The following CRLF1 variants were observed in gnomAD, a reference collection of about 807,000 sequenced individuals.
CRLF1 encodes the protein cytokine receptor like factor 1, also known as cytokine receptor-like factor 1.
In CRLF1, 36 loss-of-function variants were observed where a neutral mutation model predicts 48.9. The observed-to-expected ratio is 0.74, with a 90% CI of 0.56 to 0.97. CRLF1 has a LOEUF of 0.97. CRLF1 is among the 50% of genes least tolerant of loss of function. CRLF1 has a pLI of 0.00. For missense variants in CRLF1, 534 were observed against 575.1 expected, an observed-to-expected ratio of 0.93 and a Z score of 0.73; for synonymous variants, 256 against 253.4, an observed-to-expected ratio of 1.01 and a Z score of -0.10.
chr19:18,594,032 T>TGGGA, intron 8 of CRLF1, 33 bp downstream of exon 8: 2 of 695,810 alleles, frequency 2.9e-6, no homozygotes, highest in Non-Finnish European at 4.4e-6. Context: ...CTCCCCTTGC[T>TGGGA]CCCTCCCGCC....
At position 18,596,907 on chromosome 19, in the gene CRLF1, G is replaced by C; in HGVS notation, c.840C>G (p.Asp280Glu). 6.2e-7 allele frequency: 1 copy of C among 1,614,110 alleles called. No homozygotes were observed. The highest frequency in any genetic ancestry group is 1.1e-5 in the South Asian group (1 of 91,086). The change falls in exon 5 of 9, where the codon GAC (aspartate) becomes GAG (glutamate). Residue 280 changes from aspartate (D) to glutamate (E), a missense_variant. Around this residue, in one of 2 missense-constraint regions of CRLF1, gnomAD observed 528 missense variants for 555.7 expected, o/e 0.95. Coordinates refer to ENST00000392386, the MANE Select transcript of CRLF1 (RefSeq NM_004750.5). ...AKYQIRYRVE[D>E]SVDWKVVDDV... ...GGAGGGTCACCTTCCAGTCCACACT[G>C]TCCTCCACTCGGTAGCGGATCTGGT...
chr19:18,606,435 T>A lies in CRLF1; in HGVS notation c.115+107A>T, dbSNP rs1976297106. On this transcript the variant is annotated intron_variant, in intron 1 of 8. Coordinates refer to ENST00000392386, the MANE Select transcript of CRLF1 (RefSeq NM_004750.5). The surrounding 1 kb of genome is among the most constrained non-coding windows in gnomAD (Gnocchi z 4.8). ...CTGCGCCGGGGGCGCCTTCCTTTGT[T>A]CCCCGGCCGTCCAGGTGGCGCCCGC... The A allele has an allele frequency of 1.1e-6, 1 of 880,754 alleles. No homozygotes were observed. Among genetic ancestry groups the A allele is most frequent in the Middle Eastern group, 5.6e-4 (1 of 1,792 alleles). The allele number at this position is 880,754 out of a possible 1,614,324, so 54.6% of individuals were successfully genotyped here. A position where few individuals can be genotyped will look rare whatever the true frequency, so the allele number is the denominator to read the frequency against.
In CRLF1 at chr19:18,599,265, C is replaced by T. The variant is rs565136978; in HGVS notation, c.397+300G>A. 215 of 343,164 alleles carry T rather than the reference C, an allele frequency of 6.3e-4. 1 individual carries two copies. Among genetic ancestry groups the T allele is most frequent in the African/African-American group, 4.5e-3 (203 of 44,830 alleles). 21.3% of individuals were successfully genotyped at this position (343,164 alleles called of 1,614,324 possible). On this transcript the variant is annotated intron_variant, in intron 2 of 8. Coordinates refer to ENST00000392386, the MANE Select transcript of CRLF1 (RefSeq NM_004750.5). Reference sequence around the variant, plus strand: ...GGATTACAGGTGCCTGTCAGCACGCCTGGCTAAGTATTGTATTTTTAGTAG... The same window carrying T: ...GGATTACAGGTGCCTGTCAGCACGCTTGGCTAAGTATTGTATTTTTAGTAG...
At position 18,606,697 on chromosome 19, in the gene CRLF1, G is replaced by T; in HGVS notation, c.-41C>A. ...GGGGGCGCGCGGCGGGCTGCGGCTCGGCGGCGGTGGCGCAGGGCGCGGGAC... is the reference window on the plus strand; with the variant it reads ...GGGGGCGCGCGGCGGGCTGCGGCTCTGCGGCGGTGGCGCAGGGCGCGGGAC... On this transcript the variant is annotated 5_prime_UTR_variant, in exon 1 of 9. Coordinates refer to ENST00000392386, the MANE Select transcript of CRLF1 (RefSeq NM_004750.5). The surrounding 1 kb of genome is among the most constrained non-coding windows in gnomAD (Gnocchi z 4.8). 1 of 341,904 alleles carries T rather than the reference G, an allele frequency of 2.9e-6. No individual in the cohort carries two copies. Among genetic ancestry groups the T allele is most frequent in the Non-Finnish European group, 4.1e-6 (1 of 245,508 alleles). 21.2% of individuals were successfully genotyped at this position (341,904 alleles called of 1,614,324 possible). A position where few individuals can be genotyped will look rare whatever the true frequency, so the allele number is the denominator to read the frequency against.
chr19:18,599,925 C>G, intron 1 of CRLF1, 79 bp from the exon 2 acceptor site: 1 of 1,371,088 alleles, frequency 7.3e-7, no homozygotes, highest in Non-Finnish European at 9.7e-7. Context: ...CTCCAGGGTT[C>G]ATGGTGGTCC....
At chr19:18,597,576 C>T (rs1488257737) in intron 4 of CRLF1, among the ~76,000 whole-genome samples, 1 of 151,704 alleles carries the variant, frequency 6.6e-6, no homozygotes, top group African/African-American at 2.4e-5. Context: ...ACTACAGGCG[C>T]CCGCCACTAC....
At position 18,593,351 on chromosome 19, in the gene CRLF1, C is replaced by G; in HGVS notation, c.*215G>C. 1 of 631,766 alleles carries G rather than the reference C, an allele frequency of 1.6e-6. No individual in the cohort carries two copies. 39.1% of individuals were successfully genotyped at this position (631,766 alleles called of 1,614,324 possible). A position where few individuals can be genotyped will look rare whatever the true frequency, so the allele number is the denominator to read the frequency against. On this transcript the variant is annotated 3_prime_UTR_variant, in exon 9 of 9. Coordinates refer to ENST00000392386, the MANE Select transcript of CRLF1 (RefSeq NM_004750.5). Reference sequence around the variant, plus strand: ...TGGCAGGGGTTCTAGGCAACTCAACCAACCCTCACACACACACACACACCC... The same window carrying G: ...TGGCAGGGGTTCTAGGCAACTCAACGAACCCTCACACACACACACACACCC...
chr19:18,594,635 G>C (rs1026254918), intron 6 of CRLF1, among the ~76,000 whole-genome samples: 18 of 151,876 alleles, frequency 1.2e-4, no homozygotes, highest in Admixed American at 2.6e-4. Flanking sequence ...GGGGAGGTGG[G>C]GGGGAGGGGG....
intron 1 of CRLF1, among the ~76,000 whole-genome samples, chr19:18,604,274 G>A (rs745918393): frequency 3.2e-4 from 48 of 152,162 alleles, no homozygotes; most frequent in African/African-American, 1.1e-3. Flanking sequence ...GGGGGACACC[G>A]GGCGGCGACG....
intron 1 of CRLF1, among the ~76,000 whole-genome samples, chr19:18,605,528 ATG>A (rs762150967): frequency 1.3e-5 from 2 of 151,920 alleles, no homozygotes; most frequent in Non-Finnish European, 2.9e-5. Flanking sequence ...CCCCTGTGGG[ATG>A]TGTGTGACCG....
At chr19:18,599,528 A>C (rs1391246874) in intron 2 of CRLF1, 37 bp downstream of exon 2, 2 of 1,611,218 alleles carry the variant, frequency 1.2e-6, no homozygotes, top group African/African-American at 2.7e-5. Flanking sequence ...TGCCGCTCCC[A>C]AGAGCTACCC....
At position 18,605,694 on chromosome 19, in the gene CRLF1, C is replaced by G. The variant is rs552022607; in HGVS notation, c.115+848G>C. Among the ~76,000 whole-genome samples, 5 of 152,338 alleles carry G rather than the reference C, an allele frequency of 3.3e-5. No individual in the cohort carries two copies. In the East Asian group the frequency reaches 9.7e-4, roughly 29 times the overall value. On this transcript the variant is annotated intron_variant, in intron 1 of 8. Transcript: ENST00000392386. ...TCTCTGGGTGTGTCCCAGAGCGGGT[C>G]TGCATACGGAGACGTATCCTTGCGG...
intron 6 of CRLF1, 92 bp from the exon 7 acceptor site, chr19:18,594,526 C>G: frequency 9.8e-7 from 1 of 1,025,266 alleles, no homozygotes; most frequent in Non-Finnish European, 1.3e-6. Context: ...CGGGACCATG[C>G]TCCCCTCGGG....
At chr19:18,599,982 G>T in intron 1 of CRLF1, 136 bp from the exon 2 acceptor site, 1 of 1,002,658 alleles carries the variant, frequency 1.0e-6, no homozygotes, top group Non-Finnish European at 1.4e-6. Flanking sequence ...AGATAGGGAA[G>T]GTAGAGATCA....
chr19:18,594,032 T>TTTG, intron 8 of CRLF1, 33 bp downstream of exon 8: 19 of 695,780 alleles, frequency 2.7e-5, no homozygotes, highest in Non-Finnish European at 4.2e-5. Context: ...CTCCCCTTGC[T>TTTG]CCCTCCCGCC....
chr19:18,604,919 A>T (rs1976269713), intron 1 of CRLF1, among the ~76,000 whole-genome samples: 1 of 152,090 alleles, frequency 6.6e-6, no homozygotes, highest in African/African-American at 2.4e-5. Context: ...TTTAAAAGGG[A>T]AAAGTGTGAG....
At chr19:18,605,396 A>G (rs2238650) in intron 1 of CRLF1, among the ~76,000 whole-genome samples, 100,953 of 152,134 alleles carry the variant, frequency 0.66, 34,675 homozygotes, top group African/African-American at 0.85. Context: ...CACAGGGTGG[A>G]TGAGCCTGGG....
intron 1 of CRLF1, among the ~76,000 whole-genome samples, chr19:18,605,530 G>C (rs1244688387): frequency 3.3e-5 from 5 of 152,226 alleles, no homozygotes; most frequent in African/African-American, 1.2e-4. Context: ...CCTGTGGGAT[G>C]TGTGTGACCG....
At chr19:18,602,900 G>A (rs919486041) in intron 1 of CRLF1, among the ~76,000 whole-genome samples, 8 of 151,892 alleles carry the variant, frequency 5.3e-5, no homozygotes, top group East Asian at 1.9e-4. Context: ...TAGGAGAGAC[G>A]GAGTTTCGCC....
Sources: gnomAD v4.1 joint callset for allele counts (sites outside exome capture counted in the v4.1 genomes callset) on GRCh38, gnomAD v4.1.1 for gene constraint, gnomAD v4.1.1 regional missense constraint, Gnocchi (gnomAD v3.1) non-coding constraint, MANE v1.5 for transcripts, NCBI Gene and HGNC (gene_info 2026-07-23, HGNC 2026-07-21) for gene names.